The following TNS3 variants were observed in gnomAD, a reference collection of about 807,000 sequenced individuals.
TNS3 encodes the protein tensin-3.
A neutral mutation model predicts 140.9 loss-of-function variants in TNS3; 45 were observed. The observed-to-expected ratio is 0.32, with a 90% confidence interval of 0.25 to 0.41. The LOEUF (loss-of-function observed/expected upper bound fraction) is 0.41. Among genes scored for constraint, TNS3 ranks in the 10% least tolerant of loss-of-function variants. The probability of loss-of-function intolerance (pLI) is 1.00; values close to 1 mark genes in which losing one functional copy is unlikely to be tolerated. For missense variants in TNS3, 1,716 were observed against 1,906.7 expected, an observed-to-expected ratio of 0.90 and a Z score of 1.86; for synonymous variants, 815 against 788.4, an observed-to-expected ratio of 1.03 and a Z score of -0.56.
At position 47,439,637 on chromosome 7, in the gene TNS3, G is replaced by A; in HGVS notation, c.-1C>T. On this transcript the variant is annotated 5_prime_UTR_variant, in exon 6 of 31. Transcript: ENST00000311160. ...GGTCCAGCCCATGGCCCTCCTCCAT[G>A]GTGGGACTCAGGATGACGGGCCTGC... 6.2e-7 allele frequency: 1 copy of A among 1,614,064 alleles called. No individual in the cohort carries two copies. Among genetic ancestry groups the A allele is most frequent in the Non-Finnish European group, 8.5e-7 (1 of 1,180,000 alleles).
At chr7:47,368,303 T>C in intron 17 of TNS3, 62 bp downstream of exon 17, 2 of 1,397,038 alleles carry the variant, frequency 1.4e-6, no homozygotes, top group Admixed American at 5.4e-5. Flanking sequence ...TGATTTCTCA[T>C]CACACATTAG....
chr7:47,582,127 C>T (rs1018313872), upstream of TNS3: 2 of 151,648 alleles, frequency 1.3e-5, no homozygotes, highest in Non-Finnish European at 1.5e-5. Context: ...GCGGGCGGGC[C>T]CGTCCTCCTG....
At chr7:47,487,338 A>G (rs1321805191) in intron 3 of TNS3, among the ~76,000 whole-genome samples, 1 of 151,814 alleles carries the variant, frequency 6.6e-6, no homozygotes, top group African/African-American at 2.4e-5. Context: ...TCAAGTGTCA[A>G]GCATGCTTTT....
At chr7:47,550,073 G>A (rs1800023331) in intron 1 of TNS3, among the ~76,000 whole-genome samples, 1 of 149,942 alleles carries the variant, frequency 6.7e-6, no homozygotes, top group Non-Finnish European at 1.5e-5. Flanking sequence ...GCAACACTGA[G>A]GTCTCCCCTG....
At chr7:47,283,986 A>C in intron 27 of TNS3, 121 bp from the exon 28 acceptor site, 1 of 902,332 alleles carries the variant, frequency 1.1e-6, no homozygotes, top group South Asian at 2.2e-5. Context: ...CATGTGGCCT[A>C]TGCTGGGTGC....
intron 1 of TNS3, among the ~76,000 whole-genome samples, chr7:47,567,677 C>G (rs1490576389): frequency 8.7e-6 from 1 of 114,482 alleles, no homozygotes; most frequent in Non-Finnish European, 1.6e-5. Flanking sequence ...GAGCGAGACT[C>G]GGTCTCAAAA....
chr7:47,430,727 C>CT (rs34682970), intron 8 of TNS3, among the ~76,000 whole-genome samples: 3,072 of 145,196 alleles, frequency 0.021, 106 homozygotes, highest in African/African-American at 0.073. Context: ...AGTATTTTTT[C>CT]TTTTTTTTTT....
At chr7:47,338,842 T>C (rs1296291664) in intron 20 of TNS3, among the ~76,000 whole-genome samples, 3 of 152,180 alleles carry the variant, frequency 2.0e-5, no homozygotes, top group South Asian at 4.1e-4. Context: ...ATTTTTTTTC[T>C]TTTGGGTGTA....
At chr7:47,457,401 A>C (rs1212219339) in intron 4 of TNS3, among the ~76,000 whole-genome samples, 2 of 152,082 alleles carry the variant, frequency 1.3e-5, no homozygotes, top group Non-Finnish European at 2.9e-5. Context: ...TCAGTGCTCT[A>C]GGCCAGGGCC....
At chr7:47,453,094 C>T (rs568326929) in intron 4 of TNS3, 5 of 985,656 alleles carry the variant, frequency 5.1e-6, no homozygotes, top group Admixed American at 1.2e-4. Context: ...GAATAGCCCA[C>T]CAGGTGGGAG....
intron 4 of TNS3, among the ~76,000 whole-genome samples, chr7:47,460,930 G>A (rs1008963825): frequency 1.3e-5 from 2 of 152,180 alleles, no homozygotes; most frequent in South Asian, 2.1e-4. Flanking sequence ...AAACCAGAGA[G>A]GTTTTATGTG....
chr7:47,300,924 T>C (rs1202689273), intron 23 of TNS3, among the ~76,000 whole-genome samples: 1 of 152,248 alleles, frequency 6.6e-6, no homozygotes, highest in African/African-American at 2.4e-5. Flanking sequence ...AGGCTTTTTT[T>C]TCTCTCTCTT....
intron 4 of TNS3, among the ~76,000 whole-genome samples, chr7:47,463,165 C>T (rs1796559227): frequency 1.3e-5 from 2 of 152,190 alleles, no homozygotes; most frequent in Non-Finnish European, 2.9e-5. Flanking sequence ...ATAACCTTGG[C>T]CGGGTGCAGT....
chr7:47,469,228 A>G (rs1394028815), intron 4 of TNS3, among the ~76,000 whole-genome samples: 1 of 152,230 alleles, frequency 6.6e-6, no homozygotes, highest in Non-Finnish European at 1.5e-5. Context: ...AAAAACAAAA[A>G]TTGACAAGTG....
At chr7:47,409,640 C>T (rs1793651359) in intron 13 of TNS3, among the ~76,000 whole-genome samples, 1 of 151,784 alleles carries the variant, frequency 6.6e-6, no homozygotes, top group African/African-American at 2.4e-5. Context: ...GCATCGCCCC[C>T]AGCCTCTCTT....
rs540869298 is a variant in TNS3 at position 47,448,749 on chromosome 7, T to C, written c.-75-6694A>G. Among the ~76,000 whole-genome samples, 530 of 152,322 alleles carry C rather than the reference T, an allele frequency of 3.5e-3. 1 individual carries two copies. The highest frequency in any genetic ancestry group is 0.012 in the South Asian group (58 of 4,828). On this transcript the variant is annotated intron_variant, in intron 4 of 30. Transcript: ENST00000311160. The stretch of plus-strand genomic sequence containing the variant: ...CCCACCTCGGCTTCCAATGCTGGGA[T>C]TGCAGGCGTAAGCCACCGCTCCCAG...
At chr7:47,340,188 T>C (rs991507589) in intron 20 of TNS3, among the ~76,000 whole-genome samples, 9 of 128,054 alleles carry the variant, frequency 7.0e-5, no homozygotes, top group Non-Finnish European at 1.4e-4. Flanking sequence ...AGTGGTGCAA[T>C]CACAGCTCAC....
chr7:47,486,028 G>A (rs1797600432), intron 3 of TNS3, among the ~76,000 whole-genome samples: 1 of 151,538 alleles, frequency 6.6e-6, no homozygotes, highest in Non-Finnish European at 1.5e-5. Context: ...GTGTGTGTGG[G>A]GGTGAGTGCA....
intron 16 of TNS3, among the ~76,000 whole-genome samples, chr7:47,396,090 T>C (rs1363864583): frequency 6.6e-6 from 1 of 152,234 alleles, no homozygotes; most frequent in Non-Finnish European, 1.5e-5. Context: ...TTTAATTTCT[T>C]TCCCAAAGCA....
Sources: gnomAD v4.1 joint callset for allele counts (sites outside exome capture counted in the v4.1 genomes callset) on GRCh38, gnomAD v4.1.1 for gene constraint, MANE v1.5 for transcripts, NCBI Gene and HGNC (gene_info 2026-07-23, HGNC 2026-07-21) for gene names.